The following DLG3 variants were observed in gnomAD, a reference collection of about 807,000 sequenced individuals.
DLG3 encodes disks large homolog 3.
In DLG3, 1 loss-of-function variant was observed where a neutral mutation model predicts 64.1. The ratio of observed to expected loss-of-function variants is 0.02; its 90% CI spans 0.01 to 0.07. The LOEUF is 0.07. Among genes scored for constraint, DLG3 ranks in the 10% least tolerant of loss-of-function variants. DLG3 has a pLI of 1.00. For synonymous variants in DLG3, 245 were observed against 259.8 expected, an observed-to-expected ratio of 0.94 and a Z score of 0.55; for missense variants, 429 against 669.5, an observed-to-expected ratio of 0.64 and a Z score of 3.96.
chrX:70,493,817 G>A (rs1423765058), intron 12 of DLG3, among the ~76,000 whole-genome samples: 2 of 112,479 alleles, frequency 1.8e-5, no homozygotes, highest in Non-Finnish European at 3.8e-5. Flanking sequence ...AGACTGTCAG[G>A]GTCAGGAAAA....
intron 1 of DLG3, 25 bp downstream of exon 1, chrX:70,445,583 G>C: frequency 8.6e-7 from 1 of 1,158,829 alleles, no homozygotes. Flanking sequence ...AGGGGGGAGC[G>C]GTGGGGCAAC....
intron 10 of DLG3, among the ~76,000 whole-genome samples, chrX:70,490,907 CT>C (rs891810740): frequency 9.2e-6 from 1 of 109,060 alleles, no homozygotes; most frequent in African/African-American, 3.3e-5. Context: ...AAAGTAGAAA[CT>C]TTTTTTTTGG....
In DLG3 at chrX:70,482,662, G is replaced by GTTTTTTTTTT. The variant is rs774419870; in HGVS notation, c.1520+3412_1520+3421dup. Among the ~76,000 whole-genome samples the GTTTTTTTTTT allele has an allele frequency of 2.2e-3, 143 of 66,063 alleles. 10 individuals carry two copies. The highest frequency in any genetic ancestry group is 5.0e-3 in the African/African-American group (82 of 16,475). The allele number at this position is 66,063 out of a possible 115,157, so 57.4% of individuals were successfully genotyped here. ...AGGTTTGGGAAAATACATGTGTGGT[G>GTTTTTTTTTT]TTTTTTTTTTTTTTTTTTTTTTTGA... On this transcript the variant is annotated intron_variant, in intron 10 of 18. Transcript: ENST00000374360.
intron 10 of DLG3, among the ~76,000 whole-genome samples, chrX:70,488,131 C>G (rs949957885): frequency 3.6e-5 from 4 of 110,173 alleles, no homozygotes; most frequent in African/African-American, 1.3e-4. Context: ...CCTGCCTCAG[C>G]CTCCCGAGTA....
chrX:70,470,530 G>A (rs1415880098), intron 9 of DLG3, among the ~76,000 whole-genome samples: 1 of 111,528 alleles, frequency 9.0e-6, no homozygotes, highest in African/African-American at 3.3e-5. Context: ...TGCACCCAGC[G>A]TCATTTCTAA....
intron 12 of DLG3, among the ~76,000 whole-genome samples, chrX:70,492,904 C>A: frequency 8.9e-6 from 1 of 111,888 alleles, no homozygotes; most frequent in Middle Eastern, 4.6e-3. Flanking sequence ...GGCTATAGAT[C>A]CTGTCAGAGC....
At chrX:70,479,366 C>T in intron 10 of DLG3, 102 bp downstream of exon 10, 1 of 634,837 alleles carries the variant, frequency 1.6e-6, no homozygotes, top group Non-Finnish European at 2.7e-6. Flanking sequence ...GTATGTACTC[C>T]CAGTTCTAAA....
chrX:70,448,463 G>T, intron 1 of DLG3: 1 of 589,474 alleles, frequency 1.7e-6, no homozygotes, highest in South Asian at 3.1e-5. Context: ...CCCCCAGTCA[G>T]GGAGAACTGT....
At chrX:70,449,032 G>C (rs2086592979) in intron 2 of DLG3, 69 bp downstream of exon 2, 1 of 1,128,732 alleles carries the variant, frequency 8.9e-7, no homozygotes, top group Non-Finnish European at 1.2e-6. Flanking sequence ...GGAGACCCCT[G>C]AATCATGGTT....
rs780669251 is a variant in DLG3 at position 70,500,516 on chromosome X, C to T, written c.2191C>T (p.Leu731=). The change falls in exon 17 of 19, where the codon CTG becomes TTG. Residue 731 remains leucine (L), a synonymous_variant. Coordinates refer to ENST00000374360, the MANE Select transcript of DLG3 (RefSeq NM_021120.4). ...LDVSGNAIKR[L]QQAQLYPIAI... is the part of the protein sequence containing the mutation. The stretch of plus-strand genomic sequence containing the variant: ...TGTTTCCGGCAATGCTATCAAGAGA[C>T]TGCAGCAAGCACAACTTTACCCCAT... The T allele has an allele frequency of 1.7e-6, 2 of 1,211,162 alleles. No individual in the cohort carries two copies. The highest frequency in any genetic ancestry group is 2.2e-6 in the Non-Finnish European group (2 of 895,061).
chrX:70,449,529 G>A (rs374100674), intron 3 of DLG3, 46 bp downstream of exon 3: 30 of 1,136,826 alleles, frequency 2.6e-5, no homozygotes, highest in Non-Finnish European at 3.4e-5. Flanking sequence ...GGACAGGATC[G>A]AGATGAGGGG....
At chrX:70,479,338 T>A in intron 10 of DLG3, 74 bp downstream of exon 10, 1 of 765,491 alleles carries the variant, frequency 1.3e-6, no homozygotes, top group Non-Finnish European at 2.0e-6. Context: ...CCTTCTTATT[T>A]AACTAGTGGG....
chrX:70,489,105 T>C (rs1482816601), intron 10 of DLG3, among the ~76,000 whole-genome samples: 1 of 109,487 alleles, frequency 9.1e-6, no homozygotes, highest in African/African-American at 3.4e-5. Context: ...GCTTCCCCAC[T>C]TTTTTTTTAA....
chrX:70,502,099 ATTGCTGGGT>A, intron 18 of DLG3, 55 bp from the exon 19 acceptor site: 7 of 850,803 alleles, frequency 8.2e-6, no homozygotes, highest in Non-Finnish European at 1.0e-5. Context: ...GAGAGGCAGG[ATTGCTGGGT>A]TTGGGGGATG....
At chrX:70,476,584 C>T (rs374040070) in intron 9 of DLG3, among the ~76,000 whole-genome samples, 1 of 111,850 alleles carries the variant, frequency 8.9e-6, no homozygotes, top group Non-Finnish European at 1.9e-5. Flanking sequence ...GTTAATCAGC[C>T]GCCTATTGTG....
intron 17 of DLG3, 123 bp from the exon 18 acceptor site, chrX:70,500,775 C>G: frequency 1.4e-6 from 1 of 739,139 alleles, no homozygotes; most frequent in Non-Finnish European, 2.1e-6. Flanking sequence ...GAGGAGTTAG[C>G]TACGGGCCAC....
At chrX:70,496,783 C>T (rs1437811046) in intron 13 of DLG3, among the ~76,000 whole-genome samples, 1 of 112,775 alleles carries the variant, frequency 8.9e-6, no homozygotes, top group African/African-American at 3.2e-5. Flanking sequence ...GGGCGGGGGA[C>T]ACCCATGAGC....
intron 1 of DLG3, among the ~76,000 whole-genome samples, chrX:70,447,214 G>A (rs1337969228): frequency 9.0e-6 from 1 of 111,528 alleles, no homozygotes; most frequent in African/African-American, 3.3e-5. Context: ...GTGGGGGCTA[G>A]AGCGTGGACC....
In DLG3 at chrX:70,500,970, A is replaced by G. The variant is rs990127933; in HGVS notation, c.2328A>G (p.Glu776=). 8.4e-7 allele frequency: 1 copy of G among 1,197,021 alleles called. No individual in the cohort carries two copies. The highest frequency in any genetic ancestry group is 1.1e-6 in the Non-Finnish European group (1 of 886,834). Residue 776 remains glutamate (E), a synonymous_variant, in exon 18 of 19, where the codon GAA becomes GAG. Transcript: ENST00000374360. ...ACAAAGCCATGAAACTGGAGCAGGA[A>G]TTTGGAGAGTACTTTACAGGTAAGA... The part of the protein sequence containing the change: ...IYDKAMKLEQ[E]FGEYFTAIVQ...
Sources: gnomAD v4.1 joint callset for allele counts (sites outside exome capture counted in the v4.1 genomes callset) on GRCh38, gnomAD v4.1.1 for gene constraint, MANE v1.5 for transcripts, NCBI Gene and HGNC (gene_info 2026-07-23, HGNC 2026-07-21) for gene names.